Variants in TRIM14 observed in about 807,000 individuals in gnomAD.
TRIM14 encodes the protein tripartite motif containing 14.
A neutral mutation model predicts 44.5 loss-of-function variants in TRIM14; 28 were observed. The ratio of observed to expected loss-of-function variants is 0.63; its 90% CI spans 0.47 to 0.86. The LOEUF (loss-of-function observed/expected upper bound fraction) is 0.86, where lower values mean the gene tolerates loss of function less well. Ranked by LOEUF, TRIM14 falls within the 40% of genes least tolerant of loss-of-function variation. The probability of loss-of-function intolerance (pLI) is 0.00; values close to 1 mark genes in which losing one functional copy is unlikely to be tolerated. For missense variants in TRIM14, 607 were observed against 611.1 expected, an observed-to-expected ratio of 0.99 and a Z score of 0.07; for synonymous variants, 299 against 269.2, an observed-to-expected ratio of 1.11 and a Z score of -1.08.
the TRIM14 span, among the ~76,000 whole-genome samples, chr9:98,053,896 C>T: frequency 3.9e-5 from 6 of 152,122 alleles, no homozygotes; most frequent in Non-Finnish European, 5.9e-5. Flanking sequence ...AGATGCTGCC[C>T]GATGGGCTGC....
At position 98,103,486 on chromosome 9, in the gene TRIM14, T is replaced by C. The variant is rs554680575; in HGVS notation, c.304-3322A>G. ...CTTTGTACCTTATGTAGTTCCATACTATACCATTGTTTAAATTTTAAAAAA... is the reference window on the plus strand; with the variant it reads ...CTTTGTACCTTATGTAGTTCCATACCATACCATTGTTTAAATTTTAAAAAA... On this transcript the variant is annotated intron_variant, in intron 2 of 5. Coordinates refer to ENST00000341469, the MANE Select transcript of TRIM14 (RefSeq NM_014788.4). 2.6e-5 allele frequency among the ~76,000 whole-genome samples: 4 copies of C among 152,292 alleles called. No individual in the cohort carries two copies. The East Asian group carries it at 5.8e-4, about 22-fold the overall frequency.
At chr9:98,113,677 C>G (rs1826943995) in intron 1 of TRIM14, among the ~76,000 whole-genome samples, 1 of 152,040 alleles carries the variant, frequency 6.6e-6, no homozygotes, top group Non-Finnish European at 1.5e-5. Context: ...TTGTTTTTCT[C>G]CTTTGAATAA....
the TRIM14 span, among the ~76,000 whole-genome samples, chr9:98,048,296 T>C: frequency 6.6e-6 from 1 of 152,196 alleles, no homozygotes; most frequent in African/African-American, 2.4e-5. Flanking sequence ...CATTTTACCT[T>C]CCAGGTGTGC....
chr9:98,043,164 G>C, the TRIM14 span, among the ~76,000 whole-genome samples: 1 of 149,594 alleles, frequency 6.7e-6, no homozygotes, highest in Non-Finnish European at 1.5e-5. Flanking sequence ...ATTGTCAGCT[G>C]ACTAGCCCTA....
chr9:98,054,728 T>G, the TRIM14 span, among the ~76,000 whole-genome samples: 3 of 152,236 alleles, frequency 2.0e-5, no homozygotes, highest in African/African-American at 4.8e-5. Flanking sequence ...GACGCCAGAG[T>G]CAGCCCCCAG....
At chr9:98,115,070 CT>C (rs1179675986) in intron 1 of TRIM14, among the ~76,000 whole-genome samples, 1 of 151,894 alleles carries the variant, frequency 6.6e-6, no homozygotes, top group African/African-American at 2.4e-5. Flanking sequence ...TTTGTGTTTA[CT>C]TTTTTTATTT....
chr9:98,077,035 G>T (rs370592018), intron 6 of TRIM14: 13 of 1,580,446 alleles, frequency 8.2e-6, no homozygotes, highest in Admixed American at 1.7e-5. Context: ...TCTAATTTTT[G>T]ACTTAAAATC....
the TRIM14 span, among the ~76,000 whole-genome samples, chr9:98,043,448 T>C: frequency 6.6e-6 from 1 of 152,186 alleles, no homozygotes; most frequent in East Asian, 1.9e-4. Flanking sequence ...ATTACAGGCA[T>C]GGGCCACCAT....
chr9:98,073,410 G>T (rs984251552), intron 6 of TRIM14, among the ~76,000 whole-genome samples: 3 of 147,646 alleles, frequency 2.0e-5, no homozygotes, highest in Admixed American at 6.9e-5. Flanking sequence ...TTAGCCTCCC[G>T]AGTAGCTGGG....
intron 6 of TRIM14, among the ~76,000 whole-genome samples, chr9:98,074,085 C>T (rs1334740366): frequency 6.6e-6 from 1 of 152,174 alleles, no homozygotes; most frequent in African/African-American, 2.4e-5. Context: ...CATGCCTGGC[C>T]AGAATTAATA....
chr9:98,064,595 G>A (rs936470280), downstream of TRIM14, among the ~76,000 whole-genome samples: 2 of 152,120 alleles, frequency 1.3e-5, no homozygotes, highest in Non-Finnish European at 2.9e-5. Context: ...TGTTTATGAA[G>A]CATCTTCACA....
chr9:98,095,083 AG>A lies in TRIM14; in HGVS notation c.538-55del. The stretch of plus-strand genomic sequence containing the variant: ...CTCTGGGAGATGCAGGCAGCATCCC[AG>A]CCTCCTGTGCTGCACCCAGGAACAA... On this transcript the variant is annotated intron_variant, in intron 3 of 5. Transcript: ENST00000341469. The surrounding 1 kb of genome is among the most constrained non-coding windows in gnomAD (Gnocchi z 4.1). The A allele has an allele frequency of 6.4e-7, 1 of 1,573,238 alleles. No individual in the cohort carries two copies. The highest frequency in any genetic ancestry group is 1.2e-5 in the South Asian group (1 of 85,736).
intron 5 of TRIM14, among the ~76,000 whole-genome samples, chr9:98,090,852 C>T (rs1825968532): frequency 1.3e-5 from 2 of 152,160 alleles, no homozygotes; most frequent in East Asian, 3.9e-4. Context: ...GTGTGAGCCA[C>T]CGTGCTCGGC....
downstream of TRIM14, among the ~76,000 whole-genome samples, chr9:98,068,118 A>T (rs1356179642): frequency 6.6e-6 from 1 of 151,760 alleles, no homozygotes; most frequent in African/African-American, 2.4e-5. Context: ...TTATCTATTT[A>T]TATGTTTAAA....
At chr9:98,038,729 C>G in the TRIM14 span, among the ~76,000 whole-genome samples, 1 of 152,144 alleles carries the variant, frequency 6.6e-6, no homozygotes, top group African/African-American at 2.4e-5. Context: ...CGCTGCTCAG[C>G]CTCACCCCAG....
intron 6 of TRIM14, chr9:98,078,258 G>C: frequency 6.2e-7 from 1 of 1,614,084 alleles, no homozygotes; most frequent in African/African-American, 1.3e-5. Flanking sequence ...TTATCAGATC[G>C]TGAAGCCCCT....
In TRIM14 at chr9:98,095,461, C is replaced by T. The variant is rs989986045; in HGVS notation, c.538-432G>A. Among the ~76,000 whole-genome samples, 4 of 152,182 alleles carry T rather than the reference C, an allele frequency of 2.6e-5. No individual in the cohort carries two copies. The highest frequency in any genetic ancestry group is 2.0e-4 in the Admixed American group (3 of 15,270). On this transcript the variant is annotated intron_variant, in intron 3 of 5. Coordinates refer to ENST00000341469, the MANE Select transcript of TRIM14 (RefSeq NM_014788.4). This position sits in a 1 kb window ranked among gnomAD's most constrained non-coding sequence, Gnocchi z 4.1. ...GAGGTCAGTCTCCCTGGGGAAGGAGCACCTGGAGCTTATTCAAAGGTGGAG... is the reference window on the plus strand; with the variant it reads ...GAGGTCAGTCTCCCTGGGGAAGGAGTACCTGGAGCTTATTCAAAGGTGGAG...
At chr9:98,047,127 C>T in the TRIM14 span, among the ~76,000 whole-genome samples, 1 of 152,170 alleles carries the variant, frequency 6.6e-6, no homozygotes, top group Non-Finnish European at 1.5e-5. Context: ...AGAATTAAAT[C>T]ATGGTGGCGG....
chr9:98,057,037 C>A, the TRIM14 span: 1 of 1,409,384 alleles, frequency 7.1e-7, no homozygotes, highest in South Asian at 1.5e-5. Context: ...CGGCTGGGTA[C>A]CCTGGTCCGG....
Sources: gnomAD v4.1 joint callset for allele counts (sites outside exome capture counted in the v4.1 genomes callset) on GRCh38, gnomAD v4.1.1 for gene constraint, Gnocchi (gnomAD v3.1) non-coding constraint, MANE v1.5 for transcripts, NCBI Gene and HGNC (gene_info 2026-07-23, HGNC 2026-07-21) for gene names.